The following SNTG1 variants were observed in gnomAD, a reference collection of about 807,000 sequenced individuals.
SNTG1 encodes the protein gamma-1-syntrophin.
In SNTG1, 39 loss-of-function variants were observed where a neutral mutation model predicts 74.7. That is an observed-to-expected ratio of 0.52 (90% CI 0.40 to 0.68). The LOEUF (loss-of-function observed/expected upper bound fraction) is 0.68, where lower values mean the gene tolerates loss of function less well. Ranked by LOEUF, SNTG1 falls within the 30% of genes least tolerant of loss-of-function variation. The probability of loss-of-function intolerance (pLI) is 0.00; values close to 1 mark genes in which losing one functional copy is unlikely to be tolerated. For missense variants in SNTG1, 685 were observed against 609.5 expected (o/e 1.12, Z -1.30); for synonymous variants, 254 against 217.1 (o/e 1.17, Z -1.49).
At chr8:50,712,573 G>A (rs527882762) in intron 17 of SNTG1, among the ~76,000 whole-genome samples, 67 of 152,098 alleles carry the variant, frequency 4.4e-4, no homozygotes, top group African/African-American at 1.5e-3. Flanking sequence ...GTGCCATGGT[G>A]GTTTGCTGTA....
intron 1 of SNTG1, among the ~76,000 whole-genome samples, chr8:50,162,074 T>C (rs1486499166): frequency 1.3e-5 from 2 of 152,140 alleles, no homozygotes; most frequent in Non-Finnish European, 2.9e-5. Flanking sequence ...AATTGAATTG[T>C]ACAGCGTCAG....
chr8:50,611,095 C>T (rs554769344), intron 13 of SNTG1, among the ~76,000 whole-genome samples: 2 of 152,142 alleles, frequency 1.3e-5, no homozygotes, highest in East Asian at 1.9e-4. Context: ...GGCACTAACT[C>T]GGCCTGAAGA....
intron 2 of SNTG1, among the ~76,000 whole-genome samples, chr8:50,379,103 C>A (rs915055338): frequency 6.6e-6 from 1 of 152,168 alleles, no homozygotes; most frequent in Non-Finnish European, 1.5e-5. Context: ...CTGCCCTCAA[C>A]CCCACCTCAG....
At chr8:50,533,355 A>T (rs1449747369) in intron 10 of SNTG1, among the ~76,000 whole-genome samples, 2 of 152,218 alleles carry the variant, frequency 1.3e-5, no homozygotes, top group Admixed American at 1.3e-4. Flanking sequence ...TTCTGGTAAG[A>T]TAGTTGTTCT....
chr8:50,309,079 TAA>T (rs886134208), intron 2 of SNTG1, among the ~76,000 whole-genome samples: 1 of 150,414 alleles, frequency 6.6e-6, no homozygotes, highest in Non-Finnish European at 1.5e-5. Flanking sequence ...TTAGAAGAAA[TAA>T]AAAAAAAATT....
chr8:50,740,544 G>A (rs1446709387), intron 17 of SNTG1, among the ~76,000 whole-genome samples: 1 of 152,002 alleles, frequency 6.6e-6, no homozygotes, highest in Admixed American at 6.6e-5. Context: ...GTTGGTGGGA[G>A]TATAAATTAG....
chr8:49,945,966 C>G (rs1809147951), intron 1 of SNTG1, among the ~76,000 whole-genome samples: 5 of 152,148 alleles, frequency 3.3e-5, no homozygotes. Flanking sequence ...AAGTAACTGA[C>G]AATCAGAAAG....
intron 3 of SNTG1, among the ~76,000 whole-genome samples, chr8:50,397,642 T>G (rs1168598801): frequency 6.6e-6 from 1 of 152,194 alleles, no homozygotes; most frequent in African/African-American, 2.4e-5. Context: ...AAGATTATGT[T>G]GTTCTTTTCA....
intron 18 of SNTG1, among the ~76,000 whole-genome samples, chr8:50,763,650 G>T (rs1334546923): frequency 5.5e-4 from 26 of 47,538 alleles, no homozygotes; most frequent in Non-Finnish European, 9.6e-4. Context: ...TGCCTTTATT[G>T]TGTGTGTGTG....
At chr8:50,697,163 T>C (rs2095408121) in intron 15 of SNTG1, among the ~76,000 whole-genome samples, 1 of 152,094 alleles carries the variant, frequency 6.6e-6, no homozygotes, top group Non-Finnish European at 1.5e-5. Flanking sequence ...TTTTACCTCC[T>C]TGCTTAAATG....
intron 4 of SNTG1, among the ~76,000 whole-genome samples, chr8:50,421,060 G>A (rs2093079431): frequency 8.4e-6 from 1 of 119,400 alleles, no homozygotes; most frequent in Non-Finnish European, 1.8e-5. Context: ...GGAGGGGGGG[G>A]CGAAGATAAA....
chr8:50,407,983 A>C (rs2092901099), intron 4 of SNTG1, among the ~76,000 whole-genome samples: 1 of 152,192 alleles, frequency 6.6e-6, no homozygotes, highest in Non-Finnish European at 1.5e-5. Flanking sequence ...CTCAAAGACC[A>C]GGCTGAGGTT....
Position 50,682,361 on chromosome 8 carries a change from A to T in SNTG1, c.1039-22239A>T, listed in dbSNP as rs574769885. 2.6e-5 allele frequency among the ~76,000 whole-genome samples: 4 copies of T among 152,134 alleles called. No individual in the cohort carries two copies. The South Asian group carries it at 8.3e-4, about 32-fold the overall frequency. ...GTTTGGTGGGAAGGGCAGTTACAGA[A>T]CAGGTGACTCAGGATGATTCAGGTC... On this transcript the variant is annotated intron_variant, in intron 15 of 18. Transcript: ENST00000642720.
chr8:50,125,802 T>G (rs1479137316), intron 1 of SNTG1, among the ~76,000 whole-genome samples: 1 of 152,170 alleles, frequency 6.6e-6, no homozygotes, highest in Admixed American at 6.6e-5. Flanking sequence ...AATCATATGC[T>G]GTGCTAAAGA....
At chr8:50,703,505 T>C (rs1242130442) in intron 15 of SNTG1, among the ~76,000 whole-genome samples, 1 of 152,042 alleles carries the variant, frequency 6.6e-6, no homozygotes, top group Non-Finnish European at 1.5e-5. Flanking sequence ...CTGAAGGAAC[T>C]GCTTGAGCCT....
intron 9 of SNTG1, among the ~76,000 whole-genome samples, chr8:50,523,291 T>G (rs902441999): frequency 3.9e-5 from 6 of 152,200 alleles, no homozygotes; most frequent in African/African-American, 1.4e-4. Flanking sequence ...TGTTCACTGG[T>G]GTAGCACTGT....
chr8:50,266,624 C>A (rs1268300962), intron 2 of SNTG1, among the ~76,000 whole-genome samples: 1 of 141,766 alleles, frequency 7.1e-6, no homozygotes, highest in African/African-American at 2.6e-5. Flanking sequence ...GGTACCACAA[C>A]AGAAGTGAAA....
At chr8:50,061,404 T>C (rs1820461185) in intron 1 of SNTG1, among the ~76,000 whole-genome samples, 1 of 152,140 alleles carries the variant, frequency 6.6e-6, no homozygotes, top group African/African-American at 2.4e-5. Context: ...ATTCGTGTCT[T>C]CTAATTTTTT....
At chr8:50,581,903 A>AT (rs2094612386) in intron 12 of SNTG1, among the ~76,000 whole-genome samples, 1 of 152,206 alleles carries the variant, frequency 6.6e-6, no homozygotes. Context: ...ACATAAGTAT[A>AT]TGTGCAAAAT....
Sources: allele counts gnomAD v4.1 joint callset (sites outside exome capture counted in the v4.1 genomes callset), GRCh38; gene constraint gnomAD v4.1.1; transcripts MANE v1.5; gene names NCBI Gene and HGNC (gene_info 2026-07-23, HGNC 2026-07-21).